Variants in PCDHA12 observed in about 807,000 individuals in gnomAD.
PCDHA12 encodes the protein protocadherin alpha-12.
In PCDHA12, 44 loss-of-function variants were observed where a neutral mutation model predicts 60.0. The ratio of observed to expected loss-of-function variants is 0.73; its 90% confidence interval spans 0.58 to 0.94. The LOEUF (loss-of-function observed/expected upper bound fraction) is 0.94. Ranked by LOEUF, PCDHA12 falls within the 40% of genes least tolerant of loss-of-function variation. PCDHA12 has a pLI of 0.00. For missense variants in PCDHA12, 1,276 were observed against 1,239.7 expected, an observed-to-expected ratio of 1.03 and a Z score of -0.44; for synonymous variants, 569 against 553.0, an observed-to-expected ratio of 1.03 and a Z score of -0.40.
At chr5:140,982,608 T>G (rs782789536) in intron 3 of PCDHA12, 45 bp downstream of exon 3, 2 of 1,601,306 alleles carry the variant, frequency 1.2e-6, no homozygotes, top group South Asian at 2.2e-5. Flanking sequence ...TTCTGGAAAG[T>G]GATCAGATGA....
intron 3 of PCDHA12, among the ~76,000 whole-genome samples, chr5:140,994,104 T>C (rs1356172498): frequency 6.6e-6 from 1 of 152,210 alleles, no homozygotes; most frequent in Non-Finnish European, 1.5e-5. Context: ...ATGGAAATAT[T>C]ACATTGTCAT....
At chr5:140,912,939 T>C (rs1372074826) in intron 1 of PCDHA12, among the ~76,000 whole-genome samples, 1 of 152,230 alleles carries the variant, frequency 6.6e-6, no homozygotes, top group Middle Eastern at 3.2e-3. Context: ...CATCCTTGTA[T>C]CCCTGGGATA....
At chr5:140,884,559 C>T (rs782174598) in intron 1 of PCDHA12, 2 of 1,614,094 alleles carry the variant, frequency 1.2e-6, no homozygotes, top group Admixed American at 1.7e-5. Context: ...GGGGAGGGCC[C>T]GCATAAGACG....
At chr5:140,940,497 C>T (rs1314378548) in intron 1 of PCDHA12, among the ~76,000 whole-genome samples, 1 of 151,818 alleles carries the variant, frequency 6.6e-6, no homozygotes, top group Non-Finnish European at 1.5e-5. Context: ...AAGTCTTGCT[C>T]CGTCGCTCAG....
At chr5:140,888,753 AC>A (rs1372547782) in intron 1 of PCDHA12, among the ~76,000 whole-genome samples, 1 of 149,022 alleles carries the variant, frequency 6.7e-6, no homozygotes, top group African/African-American at 2.5e-5. Context: ...TATTCTACCC[AC>A]TTTTTTTTTT....
chr5:140,953,034 C>T (rs1337571700), intron 1 of PCDHA12, among the ~76,000 whole-genome samples: 1 of 152,168 alleles, frequency 6.6e-6, no homozygotes, highest in Non-Finnish European at 1.5e-5. Context: ...GGGAAATCCA[C>T]CCCCATGATC....
chr5:140,983,483 C>T (rs2097053951), intron 3 of PCDHA12, among the ~76,000 whole-genome samples: 1 of 152,220 alleles, frequency 6.6e-6, no homozygotes, highest in African/African-American at 2.4e-5. Flanking sequence ...ATAGTAGTTA[C>T]TAATTATTAA....
chr5:140,927,720 G>T lies in PCDHA12; in HGVS notation c.2367+49881G>T. The T allele has an allele frequency of 3.1e-6, 5 of 1,614,174 alleles. No homozygotes were observed. The Middle Eastern group carries it at 4.9e-4, about 160-fold the overall frequency. On this transcript the variant is annotated intron_variant, in intron 1 of 3. Coordinates refer to ENST00000398631, the MANE Select transcript of PCDHA12 (RefSeq NM_018903.4). ...TCCAGTACTCCCTAAGCAACAGCACGCAAGCAGAGCTGCGACACCGCTTTC... is the reference window on the plus strand; with the variant it reads ...TCCAGTACTCCCTAAGCAACAGCACTCAAGCAGAGCTGCGACACCGCTTTC...
chr5:140,877,457 C>T lies in PCDHA12; in HGVS notation c.1985C>T (p.Thr662Met), dbSNP rs73263833. The change falls in exon 1 of 4, where the codon ACG becomes ATG. Residue 662 changes from threonine to methionine, a missense_variant. Physicochemically the swap from Thr to Met is moderately conservative, Grantham distance 81 (BLOSUM62 -1). Coordinates refer to ENST00000398631, the MANE Select transcript of PCDHA12 (RefSeq NM_018903.4). ...KDHGEPALTS[T>M]ATVLVSLVEN... ...CACGGTGAGCCCGCGCTGACGTCCACGGCCACGGTGCTGGTGTCGCTGGTG... is the reference window on the plus strand; with the variant it reads ...CACGGTGAGCCCGCGCTGACGTCCATGGCCACGGTGCTGGTGTCGCTGGTG... 1.0e-3 allele frequency: 1,615 copies of T among 1,613,806 alleles called. 8 individuals carry two copies. The African/African-American group carries it at 0.018, about 18-fold the overall frequency.
chr5:140,916,956 C>T (rs1554197714), intron 1 of PCDHA12, among the ~76,000 whole-genome samples: 1 of 152,220 alleles, frequency 6.6e-6, no homozygotes, highest in Non-Finnish European at 1.5e-5. Flanking sequence ...TTGCTGAGTT[C>T]TGACTGCTGG....
chr5:140,907,693 G>A (rs573463032), intron 1 of PCDHA12, among the ~76,000 whole-genome samples: 49 of 152,318 alleles, frequency 3.2e-4, no homozygotes, highest in Non-Finnish European at 6.5e-4. Flanking sequence ...GTGAGTGGAA[G>A]TCCCTGTTGC....
In PCDHA12 at chr5:140,883,374, T is replaced by G. The variant is rs1554177931; in HGVS notation, c.2367+5535T>G. The G allele has an allele frequency of 2.5e-6, 4 of 1,614,054 alleles. No individual in the cohort carries two copies. The African/African-American group carries it at 5.3e-5, about 22-fold the overall frequency. On this transcript the variant is annotated intron_variant, in intron 1 of 3. Transcript: ENST00000398631. ...GAAGACACTCAGCCTAGCGCCATTA[T>G]TGCCCTAATCAGTGTGTCCGATCGT...
chr5:140,980,724 T>G (rs2096903192), intron 2 of PCDHA12, among the ~76,000 whole-genome samples: 1 of 152,176 alleles, frequency 6.6e-6, no homozygotes, highest in Non-Finnish European at 1.5e-5. Flanking sequence ...GGGTTTCAAT[T>G]AAGATATTAT....
rs555838945 is a variant in PCDHA12, at chr5:140,927,094, G to A, written c.2367+49255G>A. On this transcript the variant is annotated intron_variant, in intron 1 of 3. Coordinates refer to ENST00000398631, the MANE Select transcript of PCDHA12 (RefSeq NM_018903.4). ...CAGCCACCGCGAGCTCTACTTCGGG[G>A]TGGATCTACCCAGCGGCAATTTGGT... 5 of 1,612,890 alleles carry A rather than the reference G, an allele frequency of 3.1e-6. No homozygotes were observed. In the Admixed American group the frequency reaches 8.3e-5, roughly 27 times the overall value.
intron 1 of PCDHA12, among the ~76,000 whole-genome samples, chr5:140,914,272 A>G (rs1356508399): frequency 2.0e-5 from 3 of 152,212 alleles, no homozygotes; most frequent in Non-Finnish European, 4.4e-5. Context: ...GGGTGCATAT[A>G]TATTTATAAT....
chr5:140,930,925 G>T (rs1271801364), intron 1 of PCDHA12, among the ~76,000 whole-genome samples: 7 of 152,158 alleles, frequency 4.6e-5, no homozygotes, highest in Admixed American at 4.6e-4. Flanking sequence ...ATGTGTATAT[G>T]TGGTTAACAG....
intron 1 of PCDHA12, among the ~76,000 whole-genome samples, chr5:140,918,314 A>G (rs2078635890): frequency 1.3e-5 from 2 of 152,138 alleles, no homozygotes; most frequent in Admixed American, 1.3e-4. Context: ...TTTTCTAGGT[A>G]TAAAATTATA....
At chr5:140,997,884 C>G (rs2097789340) in intron 3 of PCDHA12, among the ~76,000 whole-genome samples, 1 of 152,076 alleles carries the variant, frequency 6.6e-6, no homozygotes, top group African/African-American at 2.4e-5. Context: ...AGTATTTATA[C>G]AGGATAAATT....
chr5:140,876,422 A>G lies in PCDHA12; in HGVS notation c.950A>G (p.Glu317Gly). The G allele has an allele frequency of 1.2e-6, 2 of 1,613,978 alleles. No individual in the cohort carries two copies. Among genetic ancestry groups the G allele is most frequent in the Non-Finnish European group, 1.7e-6 (2 of 1,179,904 alleles). ...GATTTTGAAGAGAATAATGCCTATG[A>G]AATTCAGGTTAACGCCATTGATAAA... ...ELDFEENNAY[E>G]IQVNAIDKGI... Residue 317 changes from glutamate to glycine, a missense_variant, in exon 1 of 4, where the codon GAA (glutamate) becomes GGA (glycine). By Grantham distance (98) the Glu-to-Gly change is moderately conservative. Coordinates refer to ENST00000398631, the MANE Select transcript of PCDHA12 (RefSeq NM_018903.4).
Sources: gnomAD v4.1 joint callset for allele counts (sites outside exome capture counted in the v4.1 genomes callset) on GRCh38, gnomAD v4.1.1 for gene constraint, MANE v1.5 for transcripts, NCBI Gene and HGNC (gene_info 2026-07-23, HGNC 2026-07-21) for gene names.